OSBPL6: variants seen among roughly 807,000 people sequenced by gnomAD.
OSBPL6 encodes oxysterol binding protein like 6, also known as oxysterol-binding protein-related protein 6.
In OSBPL6, 49 loss-of-function variants were observed where a neutral mutation model predicts 125.8. That is an observed-to-expected ratio of 0.39 (90% CI 0.31 to 0.49). The LOEUF is 0.49. OSBPL6 is among the 20% of genes least tolerant of loss of function. The probability of loss-of-function intolerance (pLI) is 0.88; values close to 1 mark genes in which losing one functional copy is unlikely to be tolerated. For missense variants in OSBPL6, 986 were observed against 1,135.4 expected (o/e 0.87, Z 1.89); for synonymous variants, 394 against 391.8 (o/e 1.01, Z -0.07).
In OSBPL6 at chr2:178,319,042, G is replaced by C. The variant is rs147093104; in HGVS notation, c.103-5135G>C. On this transcript the variant is annotated intron_variant, in intron 3 of 24. Transcript: ENST00000190611. ...CATTTTACAGATAGAGGACACTGAG[G>C]TTGAAAGAGGTTAATGGTTTGTCTA... Among the ~76,000 whole-genome samples, 44 of 152,300 alleles carry C rather than the reference G, an allele frequency of 2.9e-4. 1 individual carries two copies. In the South Asian group the frequency reaches 9.1e-3, roughly 32 times the overall value.
At chr2:178,260,006 A>G (rs537175505) in intron 1 of OSBPL6, among the ~76,000 whole-genome samples, 8 of 152,224 alleles carry the variant, frequency 5.3e-5, no homozygotes, top group African/African-American at 1.9e-4. Context: ...CCATTCATTC[A>G]TTAGGAGATG....
intron 1 of OSBPL6, among the ~76,000 whole-genome samples, chr2:178,195,874 C>T (rs1281041988): frequency 6.6e-6 from 1 of 152,006 alleles, no homozygotes; most frequent in Non-Finnish European, 1.5e-5. Context: ...CTAATGGTTA[C>T]ATATCACTAA....
At chr2:178,385,680 G>C (rs948227954) in intron 19 of OSBPL6, among the ~76,000 whole-genome samples, 159 bp downstream of exon 19, 2 of 152,178 alleles carry the variant, frequency 1.3e-5, no homozygotes, top group Non-Finnish European at 2.9e-5. Context: ...AAAATTCCTG[G>C]TTTCAACATG....
At chr2:178,292,022 T>C (rs1685326535) in intron 2 of OSBPL6, among the ~76,000 whole-genome samples, 1 of 152,096 alleles carries the variant, frequency 6.6e-6, no homozygotes, top group Non-Finnish European at 1.5e-5. Flanking sequence ...CATGGGGGTT[T>C]GTTGTACAGA....
chr2:178,342,597 T>C (rs1185462042), intron 11 of OSBPL6, among the ~76,000 whole-genome samples: 2 of 152,126 alleles, frequency 1.3e-5, no homozygotes, highest in African/African-American at 4.8e-5. Context: ...TCCTAGAGGG[T>C]TCTGTGGAGA....
At position 178,293,447 on chromosome 2, in the gene OSBPL6, T is replaced by C. The variant is rs182864651; in HGVS notation, c.-156+8326T>C. Among the ~76,000 whole-genome samples, 18 of 152,174 alleles carry C rather than the reference T, an allele frequency of 1.2e-4. No individual in the cohort carries two copies. The East Asian group carries it at 2.1e-3, about 18-fold the overall frequency. The stretch of plus-strand genomic sequence containing the variant: ...AATCCAATACAACCTACAAATAGAG[T>C]TAGTTTACGTTTTTGCTTTTCTTTG... On this transcript the variant is annotated intron_variant, in intron 2 of 24. Transcript: ENST00000190611.
chr2:178,353,298 C>T (rs994030440), intron 12 of OSBPL6, among the ~76,000 whole-genome samples: 10 of 152,058 alleles, frequency 6.6e-5, no homozygotes, highest in East Asian at 3.9e-4. Flanking sequence ...CAAACTTCTC[C>T]GAGTTAAAGG....
At chr2:178,317,124 A>G (rs1250735279) in intron 3 of OSBPL6, among the ~76,000 whole-genome samples, 2 of 152,064 alleles carry the variant, frequency 1.3e-5, no homozygotes, top group Admixed American at 6.6e-5. Context: ...GTCATATTAT[A>G]TGAGTTTGTG....
chr2:178,292,720 A>C (rs757578610), intron 2 of OSBPL6, among the ~76,000 whole-genome samples: 1 of 152,138 alleles, frequency 6.6e-6, no homozygotes, highest in Non-Finnish European at 1.5e-5. Flanking sequence ...TGGGGTTATA[A>C]CAAGGAGAGC....
intron 5 of OSBPL6, among the ~76,000 whole-genome samples, chr2:178,331,337 A>G (rs1408181699): frequency 1.3e-5 from 2 of 152,060 alleles, no homozygotes; most frequent in African/African-American, 2.4e-5. Flanking sequence ...TGGATTATGT[A>G]TAAAAGAATC....
intron 1 of OSBPL6, among the ~76,000 whole-genome samples, chr2:178,283,211 G>A (rs1040736439): frequency 2.0e-5 from 3 of 152,152 alleles, no homozygotes; most frequent in Non-Finnish European, 4.4e-5. Context: ...ATTTAAAGAA[G>A]TGGAAGGGGA....
intron 3 of OSBPL6, among the ~76,000 whole-genome samples, chr2:178,306,686 G>A (rs1303217007): frequency 2.0e-5 from 3 of 152,194 alleles, no homozygotes; most frequent in Admixed American, 2.0e-4. Flanking sequence ...ACTCTGTTTG[G>A]TATTTTGTGG....
chr2:178,211,640 A>G (rs2089867960), intron 1 of OSBPL6, among the ~76,000 whole-genome samples: 2 of 151,602 alleles, frequency 1.3e-5, no homozygotes, highest in Admixed American at 1.3e-4. Flanking sequence ...TCTCTACCTG[A>G]CCCCATTCTG....
chr2:178,293,477 C>CA (rs1685466318), intron 2 of OSBPL6, among the ~76,000 whole-genome samples: 1 of 151,938 alleles, frequency 6.6e-6, no homozygotes, highest in South Asian at 2.1e-4. Flanking sequence ...TCTTTGTGCC[C>CA]AACTAATTTT....
intron 1 of OSBPL6, among the ~76,000 whole-genome samples, chr2:178,268,329 G>A (rs142647865): frequency 0.014 from 2,110 of 152,144 alleles, 31 homozygotes; most frequent in East Asian, 0.068. Context: ...TGATCCATCC[G>A]CCTCAGCCTC....
At chr2:178,344,487 T>A in intron 11 of OSBPL6, 10 of 835,586 alleles carry the variant, frequency 1.2e-5, no homozygotes, top group Non-Finnish European at 1.9e-5. Flanking sequence ...CATGGCAGCA[T>A]AGCTTTCACA....
chr2:178,236,414 G>A (rs1346798238), intron 1 of OSBPL6, among the ~76,000 whole-genome samples: 5 of 152,206 alleles, frequency 3.3e-5, no homozygotes, highest in Non-Finnish European at 5.9e-5. Flanking sequence ...ATATGCTACT[G>A]TATCATGATA....
chr2:178,349,171 A>C, intron 11 of OSBPL6, 53 bp from the exon 12 acceptor site: 1 of 1,551,084 alleles, frequency 6.4e-7, no homozygotes, highest in Non-Finnish European at 8.9e-7. Context: ...TATGTAGGAG[A>C]ATGTGAAACA....
chr2:178,369,600 C>T (rs1693187634), intron 13 of OSBPL6, among the ~76,000 whole-genome samples: 1 of 152,122 alleles, frequency 6.6e-6, no homozygotes, highest in Non-Finnish European at 1.5e-5. Flanking sequence ...TTATTTTTCA[C>T]ATCACATCTA....
Sources: gnomAD v4.1 joint callset for allele counts (sites outside exome capture counted in the v4.1 genomes callset) on GRCh38, gnomAD v4.1.1 for gene constraint, MANE v1.5 for transcripts, NCBI Gene and HGNC (gene_info 2026-07-23, HGNC 2026-07-21) for gene names.